The following HELZ variants were observed in gnomAD, a reference collection of about 807,000 sequenced individuals.
HELZ encodes the protein helicase with zinc finger, also known as ATP-dependent RNA helicase with zinc finger domain.
HELZ carries 23 observed loss-of-function variants against 218.2 expected under a neutral mutation model. The ratio of observed to expected loss-of-function variants is 0.11; its 90% confidence interval spans 0.08 to 0.15. HELZ has a LOEUF of 0.15. Ranked by LOEUF, HELZ falls within the 10% of genes least tolerant of loss-of-function variation. The pLI, the probability that HELZ is intolerant of heterozygous loss-of-function variation, is 1.00. For synonymous variants in HELZ, 814 were observed against 829.4 expected (o/e 0.98, Z 0.32); for missense variants, 1,813 against 2,353.7 (o/e 0.77, Z 4.75).
At chr17:67,105,593 G>A (rs1431748334) in intron 31 of HELZ, among the ~76,000 whole-genome samples, 1 of 152,090 alleles carries the variant, frequency 6.6e-6, no homozygotes, top group Non-Finnish European at 1.5e-5. Context: ...ATTTAAAATG[G>A]CTAAAATGGT....
At chr17:67,085,236 T>C (rs952745199) in intron 32 of HELZ, among the ~76,000 whole-genome samples, 1 of 151,836 alleles carries the variant, frequency 6.6e-6, no homozygotes, top group Non-Finnish European at 1.5e-5. Flanking sequence ...CTGGGAAACA[T>C]GGCGAAACCC....
At chr17:67,120,660 G>T in intron 26 of HELZ, 48 bp from the exon 27 acceptor site, 1 of 1,332,802 alleles carries the variant, frequency 7.5e-7, no homozygotes, top group Non-Finnish European at 1.1e-6. Flanking sequence ...ATTTTGGAAG[G>T]CAAACTGCTA....
In HELZ at chr17:67,124,005, G is replaced by C; in HGVS notation, c.3397C>G (p.Leu1133Val). The C allele has an allele frequency of 6.3e-7, 1 of 1,599,752 alleles. No individual in the cohort carries two copies. Among genetic ancestry groups the C allele is most frequent in the African/African-American group, 1.3e-5 (1 of 74,622 alleles). The change falls in exon 25 of 33, where the codon CTT (leucine) becomes GTT (valine). Residue 1133 changes from leucine to valine, a missense_variant. By Grantham distance (32) the Leu-to-Val change is conservative. Transcript: ENST00000358691. ...AAGTGATCATTCTGGGTATGATGAA[G>C]ACTTTTCCCCTTTAAAGAAAAACAC... ...QQQSPPKGKS[L>V]HHTQNDHFQN... is the part of the protein sequence containing the mutation.
chr17:67,079,413 G>T (rs976001221), intron 32 of HELZ, among the ~76,000 whole-genome samples: 2 of 152,082 alleles, frequency 1.3e-5, no homozygotes, highest in African/African-American at 4.8e-5. Flanking sequence ...ACTTACTTAT[G>T]TAATGTCTCA....
chr17:67,109,002 T>G lies in HELZ; in HGVS notation c.4489+114A>C, dbSNP rs1043266669. On this transcript the variant is annotated intron_variant, in intron 29 of 32. Coordinates refer to ENST00000358691, the MANE Select transcript of HELZ (RefSeq NM_014877.4). ...CTGATTATCACACTAAATGGGGGGG[T>G]TTTGCTAGCATTATTTGAAGAAACA... The G allele has an allele frequency of 3.0e-5, 26 of 881,034 alleles. No individual in the cohort carries two copies. The African/African-American group carries it at 3.2e-4, about 11-fold the overall frequency. The allele number at this position is 881,034 out of a possible 1,614,324, so 54.6% of individuals were successfully genotyped here.
intron 23 of HELZ, among the ~76,000 whole-genome samples, chr17:67,134,590 G>T (rs1208756739): frequency 1.3e-5 from 2 of 151,744 alleles, no homozygotes; most frequent in Non-Finnish European, 2.9e-5. Context: ...TTTGATGATA[G>T]CTTTCCCCTA....
At chr17:67,089,694 G>GAGAGAGACAGAC (rs1555595481) in intron 31 of HELZ, among the ~76,000 whole-genome samples, 7 of 100,690 alleles carry the variant, frequency 7.0e-5, no homozygotes, top group African/African-American at 2.5e-4. Context: ...GAGAGAGAGA[G>GAGAGAGACAGAC]AGAGAGACAG....
intron 3 of HELZ, among the ~76,000 whole-genome samples, chr17:67,227,705 A>G (rs973302803): frequency 6.6e-6 from 1 of 152,252 alleles, no homozygotes; most frequent in African/African-American, 2.4e-5. Flanking sequence ...TGGTTGGTCC[A>G]GGACCAAAAG....
chr17:67,138,678 A>G (rs1270708980), intron 21 of HELZ, among the ~76,000 whole-genome samples: 1 of 152,250 alleles, frequency 6.6e-6, no homozygotes, highest in Non-Finnish European at 1.5e-5. Context: ...GATCACAGAG[A>G]AAGACTTTCA....
chr17:67,150,130 C>CTTTTTTTTTTTTTTTTTTTTTTTTTTT (rs11408678), intron 18 of HELZ, 145 bp from the exon 19 acceptor site: 6 of 180,110 alleles, frequency 3.3e-5, no homozygotes, highest in South Asian at 1.7e-4. Flanking sequence ...TATTTTCTTT[C>CTTTTTTTTTTTTTTTTTTTTTTTTTTT]TTTTTTTTTT....
chr17:67,227,346 C>T (rs905074250), intron 3 of HELZ, among the ~76,000 whole-genome samples: 1 of 152,078 alleles, frequency 6.6e-6, no homozygotes, highest in South Asian at 2.1e-4. Flanking sequence ...GCACACACCA[C>T]CACACCCAGC....
rs1555595479 is a variant in HELZ, at chr17:67,089,694, G to GACAGAGAC, written c.5242-2614_5242-2613insGTCTCTGT. Among the ~76,000 whole-genome samples the GACAGAGAC allele has an allele frequency of 2.0e-5, 2 of 100,696 alleles. 1 individual carries two copies. Among genetic ancestry groups the GACAGAGAC allele is most frequent in the South Asian group, 9.4e-4 (2 of 2,120 alleles). 66.1% of individuals were successfully genotyped at this position (100,696 alleles called of 152,430 possible). A position where few individuals can be genotyped will look rare whatever the true frequency, so the allele number is the denominator to read the frequency against. ...AGAGAGAGAGAGAGAGAGAGAGAGA[G>GACAGAGAC]AGAGAGACAGAGAGACAGAGAGAGA... On this transcript the variant is annotated intron_variant, in intron 31 of 32. Transcript: ENST00000358691.
intron 7 of HELZ, among the ~76,000 whole-genome samples, chr17:67,200,112 T>C (rs2040131811): frequency 6.6e-6 from 1 of 152,230 alleles, no homozygotes; most frequent in Non-Finnish European, 1.5e-5. Context: ...GCATAGTACC[T>C]AGCACATAGG....
chr17:67,105,882 G>C (rs1011058083), intron 31 of HELZ, among the ~76,000 whole-genome samples: 8 of 152,010 alleles, frequency 5.3e-5, no homozygotes, highest in Non-Finnish European at 1.2e-4. Flanking sequence ...ATGAATACTG[G>C]GACAATTTGA....
Position 67,108,345 on chromosome 17 carries a change from C to A in HELZ, c.4724+147G>T. The A allele has an allele frequency of 3.2e-6, 2 of 625,758 alleles. No individual in the cohort carries two copies. Among genetic ancestry groups the A allele is most frequent in the Non-Finnish European group, 5.6e-6 (2 of 355,312 alleles). 38.8% of individuals were successfully genotyped at this position (625,758 alleles called of 1,614,324 possible). Reference sequence around the variant, plus strand: ...TGAGTTTTCTGTATTTTAGAGTCAACAAGAGAACTGTGTAGCGTGTGCTTG... The same window carrying A: ...TGAGTTTTCTGTATTTTAGAGTCAAAAAGAGAACTGTGTAGCGTGTGCTTG... On this transcript the variant is annotated intron_variant, in intron 30 of 32. Transcript: ENST00000358691. This position sits in a 1 kb window ranked among gnomAD's most constrained non-coding sequence, Gnocchi z 4.1.
chr17:67,104,488 G>C (rs2037035857), intron 31 of HELZ, among the ~76,000 whole-genome samples: 1 of 150,800 alleles, frequency 6.6e-6, no homozygotes, highest in Non-Finnish European at 1.5e-5. Context: ...GTACATCTTT[G>C]CCATCTTGGA....
At position 67,072,429 on chromosome 17, in the gene HELZ, T is replaced by C. The variant is rs970268937; in HGVS notation, c.*5823A>G. 6.5e-6 allele frequency: 1 copy of C among 152,698 alleles called. No homozygotes were observed. The highest frequency in any genetic ancestry group is 2.4e-5 in the African/African-American group (1 of 41,472). The allele number at this position is 152,698 out of a possible 1,614,324, so 9.5% of individuals were successfully genotyped here. A position where few individuals can be genotyped will look rare whatever the true frequency, so the allele number is the denominator to read the frequency against. Reference sequence around the variant, plus strand: ...ACTGCCATCTTAGGACAGGGACTCCTGCACTTAGTGCCTCGATACATGCTA... The same window carrying C: ...ACTGCCATCTTAGGACAGGGACTCCCGCACTTAGTGCCTCGATACATGCTA... On this transcript the variant is annotated 3_prime_UTR_variant, in exon 33 of 33. Coordinates refer to ENST00000358691, the MANE Select transcript of HELZ (RefSeq NM_014877.4).
intron 5 of HELZ, among the ~76,000 whole-genome samples, chr17:67,211,127 A>G (rs546686529): frequency 1.8e-4 from 28 of 152,272 alleles, no homozygotes; most frequent in African/African-American, 6.7e-4. Context: ...AGGAACTTAC[A>G]AAGGTGCCCT....
intron 3 of HELZ, among the ~76,000 whole-genome samples, chr17:67,223,670 T>C (rs1285050801): frequency 6.6e-6 from 1 of 152,056 alleles, no homozygotes; most frequent in African/African-American, 2.4e-5. Flanking sequence ...GAGAATCACT[T>C]GAACCCAGGA....
Sources: gnomAD v4.1 joint callset for allele counts (sites outside exome capture counted in the v4.1 genomes callset) on GRCh38, gnomAD v4.1.1 for gene constraint, Gnocchi (gnomAD v3.1) non-coding constraint, MANE v1.5 for transcripts, NCBI Gene and HGNC (gene_info 2026-07-23, HGNC 2026-07-21) for gene names.